The following PPEF2 variants were observed in gnomAD, a reference collection of about 807,000 sequenced individuals.
PPEF2 encodes the protein serine/threonine-protein phosphatase with EF-hands 2.
A neutral mutation model predicts 84.7 loss-of-function variants in PPEF2; 84 were observed. The observed-to-expected ratio is 0.99, with a 90% CI of 0.83 to 1.19. PPEF2 has a LOEUF of 1.19. Among genes scored for constraint, PPEF2 ranks in the 50% most tolerant of loss-of-function variants. PPEF2 has a pLI of 0.00. For missense variants in PPEF2, 924 were observed against 937.5 expected, an observed-to-expected ratio of 0.99 and a Z score of 0.19; for synonymous variants, 346 against 345.2, an observed-to-expected ratio of 1.00 and a Z score of -0.03.
chr4:75,873,616 C>G (rs1724337915), intron 11 of PPEF2, among the ~76,000 whole-genome samples: 1 of 152,086 alleles, frequency 6.6e-6, no homozygotes, highest in Admixed American at 6.6e-5. Flanking sequence ...CTGCTAGAAG[C>G]TTTGATCATG....
chr4:75,887,633 A>C (rs1190824564), intron 6 of PPEF2, among the ~76,000 whole-genome samples: 67 of 152,110 alleles, frequency 4.4e-4, no homozygotes, highest in African/African-American at 1.6e-3. Flanking sequence ...AAAAAAAAAA[A>C]AAAAAAACTT....
chr4:75,888,445 G>A (rs1724790397), intron 5 of PPEF2, 117 bp from the exon 6 acceptor site: 5 of 678,078 alleles, frequency 7.4e-6, no homozygotes, highest in Admixed American at 2.3e-5. Flanking sequence ...AGTAACCCCA[G>A]TAAACTGCTC....
rs756547632 is a variant in PPEF2 at position 75,860,689 on chromosome 4, C to A, written c.2240G>T (p.Cys747Phe). 1 of 1,614,194 alleles carries A rather than the reference C, an allele frequency of 6.2e-7. No individual in the cohort carries two copies. The highest frequency in any genetic ancestry group is 1.7e-5 in the Admixed American group (1 of 60,034). The change falls in exon 17 of 17, where the codon TGC (cysteine) becomes TTC (phenylalanine). Residue 747 changes from cysteine (C) to phenylalanine (F), a missense_variant. By Grantham distance (205) the Cys-to-Phe change is radical. Coordinates refer to ENST00000286719, the MANE Select transcript of PPEF2 (RefSeq NM_006239.3). ...TTCTTAGTGTGCACCTGGACTGCTG[C>A]AGCCACTGTCTTTAGCATTTGTAGC... is the stretch of plus-strand genomic sequence containing the variant. ...PQATNAKDSG[C>F]SSPGAH
At chr4:75,888,124 C>T in intron 6 of PPEF2, 90 bp downstream of exon 6, 1 of 1,019,174 alleles carries the variant, frequency 9.8e-7, no homozygotes, top group Non-Finnish European at 1.5e-6. Context: ...TCACATCTCC[C>T]TGCAGCCCGC....
intron 10 of PPEF2, among the ~76,000 whole-genome samples, chr4:75,879,753 G>T (rs897018135): frequency 6.6e-6 from 1 of 152,008 alleles, no homozygotes; most frequent in African/African-American, 2.4e-5. Flanking sequence ...TTGCTCTGAG[G>T]CTTAATTTAG....
At chr4:75,884,382 T>G (rs1724665427) in intron 8 of PPEF2, among the ~76,000 whole-genome samples, 1 of 150,386 alleles carries the variant, frequency 6.6e-6, no homozygotes, top group Non-Finnish European at 1.5e-5. Context: ...GAGCCAAGAT[T>G]GCACCTGCAC....
chr4:75,871,803 C>T (rs1724286833), intron 13 of PPEF2, among the ~76,000 whole-genome samples: 1 of 152,088 alleles, frequency 6.6e-6, no homozygotes, highest in African/African-American at 2.4e-5. Context: ...AAATTTGTTG[C>T]TCCCATTAAT....
chr4:75,860,569 T>C lies in PPEF2; in HGVS notation c.*98A>G. ...TCTGATGCATATGGATAGGTAAATT[T>C]TCAGCATAAAGTTTCACATGGAGAA... On this transcript the variant is annotated 3_prime_UTR_variant, in exon 17 of 17. Coordinates refer to ENST00000286719, the MANE Select transcript of PPEF2 (RefSeq NM_006239.3). The C allele has an allele frequency of 6.7e-7, 1 of 1,483,810 alleles. No individual in the cohort carries two copies. The allele number at this position is 1,483,810 out of a possible 1,614,324, so 91.9% of individuals were successfully genotyped here. A position where few individuals can be genotyped will look rare whatever the true frequency, so the allele number is the denominator to read the frequency against.
chr4:75,884,926 T>A (rs1724685464), intron 7 of PPEF2, 166 bp from the exon 8 acceptor site: 1 of 595,702 alleles, frequency 1.7e-6, no homozygotes, highest in Non-Finnish European at 2.8e-6. Flanking sequence ...GTATCTTCTA[T>A]TGGTCTTATA....
Position 75,883,159 on chromosome 4 carries a change from A to G in PPEF2, c.783+7T>C. The G allele has an allele frequency of 3.1e-6, 5 of 1,613,880 alleles. No homozygotes were observed. The highest frequency in any genetic ancestry group is 4.2e-6 in the Non-Finnish European group (5 of 1,179,846). ...GAGAGAAACTTTTGTCTTTAAAGGC[A>G]GCGCACCTTGTATTTATTCATCACT... On this transcript the variant is annotated splice_region_variant and intron_variant, in intron 9 of 16. Transcript: ENST00000286719.
chr4:75,890,992 G>GGTTT (rs1724863342), intron 4 of PPEF2, among the ~76,000 whole-genome samples: 2 of 152,048 alleles, frequency 1.3e-5, no homozygotes, highest in Non-Finnish European at 2.9e-5. Context: ...AGACCAGCCT[G>GGTTT]GTTAACATGG....
At chr4:75,891,819 A>C (rs1363065152) in intron 3 of PPEF2, 32 bp downstream of exon 3, 1 of 1,600,846 alleles carries the variant, frequency 6.2e-7, no homozygotes, top group Admixed American at 1.7e-5. Context: ...AAGGGAGAGC[A>C]GGAGGCGGCT....
chr4:75,860,992 C>G, intron 16 of PPEF2, 72 bp from the exon 17 acceptor site: 2 of 1,523,528 alleles, frequency 1.3e-6, no homozygotes, highest in Non-Finnish European at 1.8e-6. Context: ...GACATTCTTA[C>G]AAGGACACCT....
intron 5 of PPEF2, 97 bp downstream of exon 5, chr4:75,889,860 A>T: frequency 1.5e-6 from 2 of 1,358,258 alleles, no homozygotes; most frequent in Non-Finnish European, 2.1e-6. Context: ...TGACATGAAC[A>T]CCCTAAATCT....
In PPEF2 at chr4:75,876,412, C is replaced by G. The variant is rs142757298; in HGVS notation, c.1195G>C (p.Glu399Gln). 241 of 1,614,188 alleles carry G rather than the reference C, an allele frequency of 1.5e-4. No homozygotes were observed. Among genetic ancestry groups the G allele is most frequent in the Middle Eastern group, 1.2e-3 (7 of 6,054 alleles). ...AGGCCTGCTTGCTGCCGGCACCGCTCTAGCTCCAGTTCCACGGAGCTCCGC... is the reference window on the plus strand; with the variant it reads ...AGGCCTGCTTGCTGCCGGCACCGCTGTAGCTCCAGTTCCACGGAGCTCCGC... ...QVRSSVELEL[E>Q]RCRQQAGLLV... is the part of the protein sequence containing the mutation. The change falls in exon 11 of 17, where the codon GAG (glutamate) becomes CAG (glutamine). Residue 399 changes from glutamate to glutamine, a missense_variant. By Grantham distance (29) the Glu-to-Gln change is conservative. Coordinates refer to ENST00000286719, the MANE Select transcript of PPEF2 (RefSeq NM_006239.3).
intron 13 of PPEF2, among the ~76,000 whole-genome samples, chr4:75,867,756 A>C (rs1432225518): frequency 2.0e-5 from 3 of 152,228 alleles, no homozygotes; most frequent in Non-Finnish European, 1.5e-5. Context: ...ATTATTGTGA[A>C]GATTACAATG....
chr4:75,897,710 G>A (rs1332390954), intron 1 of PPEF2, among the ~76,000 whole-genome samples: 3 of 152,160 alleles, frequency 2.0e-5, no homozygotes, highest in African/African-American at 7.2e-5. Context: ...GGGAGGCAGA[G>A]GTTGCAGTGA....
rs202142922 is a variant in PPEF2, at chr4:75,882,984, T to C, written c.875A>G (p.His292Arg). Reference sequence around the variant, plus strand: ...ATCAGTTATGTCTGACACCCCACCATGAAGAATTAGAACTTTCTCATCTAT... The same window carrying C: ...ATCAGTTATGTCTGACACCCCACCACGAAGAATTAGAACTTTCTCATCTAT... ...TLIDEKVLIL[H>R]GGVSDITDLE... Residue 292 changes from histidine (H) to arginine (R), a missense_variant, in exon 10 of 17, where the codon CAT becomes CGT. By Grantham distance (29) the His-to-Arg change is conservative (BLOSUM62 0). Transcript: ENST00000286719. 1.8e-4 allele frequency: 293 copies of C among 1,614,200 alleles called. 1 individual carries two copies. The East Asian group carries it at 6.4e-3, about 35-fold the overall frequency.
intron 16 of PPEF2, among the ~76,000 whole-genome samples, chr4:75,863,437 T>G (rs1270810955): frequency 6.7e-6 from 1 of 149,468 alleles, no homozygotes; most frequent in Non-Finnish European, 1.5e-5. Context: ...GAGGTGGAGG[T>G]TGCAGTGATC....
Sources: gnomAD v4.1 joint callset for allele counts (sites outside exome capture counted in the v4.1 genomes callset) on GRCh38, gnomAD v4.1.1 for gene constraint, MANE v1.5 for transcripts, NCBI Gene and HGNC (gene_info 2026-07-23, HGNC 2026-07-21) for gene names.